PDE3A: variants seen among roughly 807,000 people sequenced by gnomAD.
PDE3A encodes cGMP-inhibited 3',5'-cyclic phosphodiesterase 3A.
A neutral mutation model predicts 98.3 loss-of-function variants in PDE3A; 43 were observed. The observed-to-expected ratio is 0.44, with a 90% confidence interval of 0.34 to 0.56. PDE3A has a LOEUF of 0.56. Ranked by LOEUF, PDE3A falls within the 20% of genes least tolerant of loss-of-function variation. The pLI is 0.01. For synonymous variants in PDE3A, 663 were observed against 567.9 expected (o/e 1.17, Z -2.38); for missense variants, 1,427 against 1,440.7 (o/e 0.99, Z 0.15).
At chr12:20,600,658 G>A (rs997426220) in intron 2 of PDE3A, among the ~76,000 whole-genome samples, 1 of 152,062 alleles carries the variant, frequency 6.6e-6, no homozygotes, top group Admixed American at 6.6e-5. Flanking sequence ...AAAATTTGTA[G>A]GATTGCTTTT....
At chr12:20,525,464 G>A (rs1265182694) in intron 1 of PDE3A, among the ~76,000 whole-genome samples, 1 of 136,048 alleles carries the variant, frequency 7.4e-6, no homozygotes, top group Non-Finnish European at 1.6e-5. Context: ...ATTCTGATTT[G>A]GTTGGGGGGG....
intron 1 of PDE3A, among the ~76,000 whole-genome samples, chr12:20,438,414 C>T (rs1034283263): frequency 2.0e-5 from 3 of 152,022 alleles, no homozygotes; most frequent in Non-Finnish European, 2.9e-5. Context: ...CAAGGTTATG[C>T]GAATACACAG....
At chr12:20,385,179 C>T (rs1395750783) in intron 1 of PDE3A, among the ~76,000 whole-genome samples, 1 of 151,988 alleles carries the variant, frequency 6.6e-6, no homozygotes, top group Non-Finnish European at 1.5e-5. Context: ...TTCTCCACAG[C>T]CTCACCAGCA....
At chr12:20,472,309 G>A (rs992185218) in intron 1 of PDE3A, among the ~76,000 whole-genome samples, 10 of 152,124 alleles carry the variant, frequency 6.6e-5, no homozygotes, top group Non-Finnish European at 1.3e-4. Context: ...CTTTCAGGGT[G>A]TTTTCTGTGG....
At chr12:20,551,394 TA>T (rs149223338) in intron 1 of PDE3A, among the ~76,000 whole-genome samples, 209 of 145,020 alleles carry the variant, frequency 1.4e-3, no homozygotes, top group African/African-American at 3.3e-3. Flanking sequence ...TCTTTTGTAA[TA>T]AAAAAAAAAA....
chr12:20,553,716 C>A lies in PDE3A; in HGVS notation c.961-2944C>A, dbSNP rs1166373338. On this transcript the variant is annotated intron_variant, in intron 1 of 15. Transcript: ENST00000359062. ...GGACTCCGCTCCACGTGGGGCCAGG[C>A]GTGTGGCTGACGCTGTCCGACGAAG... Among the ~76,000 whole-genome samples the A allele has an allele frequency of 1.3e-5, 2 of 152,242 alleles. 1 individual carries two copies. Among genetic ancestry groups the A allele is most frequent in the Non-Finnish European group, 2.9e-5 (2 of 68,050 alleles).
At chr12:20,444,667 C>T (rs1205081025) in intron 1 of PDE3A, among the ~76,000 whole-genome samples, 8 of 152,172 alleles carry the variant, frequency 5.3e-5, no homozygotes, top group African/African-American at 1.9e-4. Context: ...TGTTAATTCT[C>T]TCTGATCTGA....
intron 2 of PDE3A, among the ~76,000 whole-genome samples, chr12:20,604,101 G>A (rs552248548): frequency 1.7e-3 from 251 of 152,030 alleles, no homozygotes; most frequent in Non-Finnish European, 2.8e-3. Context: ...ACCAGGAGGC[G>A]GAGGTGGCAG....
chr12:20,632,106 C>G (rs1944393810), intron 6 of PDE3A, among the ~76,000 whole-genome samples: 1 of 152,164 alleles, frequency 6.6e-6, no homozygotes, highest in Admixed American at 6.5e-5. Context: ...AAGTTTAAGG[C>G]TAATAAACTC....
At chr12:20,609,778 G>T (rs1297761222) in intron 2 of PDE3A, among the ~76,000 whole-genome samples, 2 of 152,004 alleles carry the variant, frequency 1.3e-5, no homozygotes, top group Non-Finnish European at 2.9e-5. Flanking sequence ...ACACAAGGGT[G>T]CTAGGAGGAC....
intron 1 of PDE3A, among the ~76,000 whole-genome samples, chr12:20,532,648 A>T (rs1473465465): frequency 6.6e-6 from 1 of 151,674 alleles, no homozygotes; most frequent in Non-Finnish European, 1.5e-5. Context: ...GGTTGAATAG[A>T]TACATTTATG....
chr12:20,635,173 C>A, intron 8 of PDE3A, 117 bp downstream of exon 8: 2 of 877,822 alleles, frequency 2.3e-6, no homozygotes, highest in Non-Finnish European at 3.5e-6. Context: ...GTAATCCCAA[C>A]ATTTTGGGAG....
intron 1 of PDE3A, among the ~76,000 whole-genome samples, chr12:20,438,938 C>A (rs989458210): frequency 1.3e-5 from 2 of 151,936 alleles, no homozygotes; most frequent in African/African-American, 4.8e-5. Flanking sequence ...ACTATAGGCA[C>A]GTACCACCAC....
intron 1 of PDE3A, among the ~76,000 whole-genome samples, chr12:20,393,436 C>T (rs1943954780): frequency 6.6e-6 from 1 of 151,944 alleles, no homozygotes; most frequent in Non-Finnish European, 1.5e-5. Context: ...AGTTCCCTCC[C>T]AGAACTATGG....
intron 1 of PDE3A, among the ~76,000 whole-genome samples, chr12:20,510,861 A>G (rs577669453): frequency 6.6e-6 from 1 of 152,198 alleles, no homozygotes; most frequent in South Asian, 2.1e-4. Context: ...TGTTATTTAT[A>G]TGTCTTCTCC....
intron 6 of PDE3A, among the ~76,000 whole-genome samples, chr12:20,631,491 C>T (rs1394417129): frequency 6.6e-6 from 1 of 152,138 alleles, no homozygotes; most frequent in African/African-American, 2.4e-5. Context: ...TTTGGCAGAA[C>T]ACAATTAAGA....
In PDE3A at chr12:20,646,885, G is replaced by A. The variant is rs1480379859; in HGVS notation, c.2500G>A (p.Ala834Thr). The change falls in exon 12 of 16, where the codon GCC (alanine) becomes ACC (threonine). Residue 834 changes from alanine to threonine, a missense_variant. By Grantham distance (58) the Ala-to-Thr change is moderately conservative. Coordinates refer to ENST00000359062, the MANE Select transcript of PDE3A (RefSeq NM_000921.5). ...LELMALYVAA[A>T]MHDYDHPGRT... The stretch of plus-strand genomic sequence containing the variant: ...GTTGATGGCGCTGTATGTGGCTGCA[G>A]CCATGCACGATTATGATCATCCAGG... The A allele has an allele frequency of 6.2e-7, 1 of 1,614,000 alleles. No individual in the cohort carries two copies. The highest frequency in any genetic ancestry group is 8.5e-7 in the Non-Finnish European group (1 of 1,179,884).
rs1014647333 is a variant in PDE3A at position 20,552,755 on chromosome 12, G to A, written c.961-3905G>A. The A allele has an allele frequency of 6.2e-6, 10 of 1,613,956 alleles. No homozygotes were observed. The African/African-American group carries it at 1.1e-4, about 17-fold the overall frequency. On this transcript the variant is annotated intron_variant, in intron 1 of 15. Transcript: ENST00000359062. This position sits in a 1 kb window ranked among gnomAD's most constrained non-coding sequence, Gnocchi z 5.1. ...CTCAAGGACCGGCCGGCGAGCGGCA[G>A]CCCGTTCCAGTTGTTCCTGAGTAAA...
chr12:20,512,298 A>G, intron 1 of PDE3A, among the ~76,000 whole-genome samples: 1 of 152,090 alleles, frequency 6.6e-6, no homozygotes, highest in East Asian at 1.9e-4. Flanking sequence ...TATCTTCAAA[A>G]GTCTTCTGTA....
Sources: allele counts gnomAD v4.1 joint callset (sites outside exome capture counted in the v4.1 genomes callset), GRCh38; gene constraint gnomAD v4.1.1; non-coding constraint Gnocchi (gnomAD v3.1); transcripts MANE v1.5; gene names NCBI Gene and HGNC (gene_info 2026-07-23, HGNC 2026-07-21).